Variants in NAALADL2 observed in about 807,000 individuals in gnomAD.
NAALADL2 encodes the protein inactive N-acetylated-alpha-linked acidic dipeptidase-like protein 2.
NAALADL2 carries 76 observed loss-of-function variants against 87.2 expected under a neutral mutation model. The ratio of observed to expected loss-of-function variants is 0.87; its 90% CI spans 0.72 to 1.05. NAALADL2 has a LOEUF of 1.05. Among genes scored for constraint, NAALADL2 ranks in the 50% least tolerant of loss-of-function variants. The pLI is 0.00. For synonymous variants in NAALADL2, 354 were observed against 331.0 expected (o/e 1.07, Z -0.75); for missense variants, 1,089 against 945.8 (o/e 1.15, Z -1.99).
At chr3:174,642,988 C>A (rs942482726) in intron 2 of NAALADL2, among the ~76,000 whole-genome samples, 1 of 151,906 alleles carries the variant, frequency 6.6e-6, no homozygotes, top group Non-Finnish European at 1.5e-5. Context: ...CACTATGTTA[C>A]CCAGCCTGGT....
rs917214600 is a variant in NAALADL2, at chr3:175,368,503, A to G, written c.1090+44178A>G. Among the ~76,000 whole-genome samples, 12 of 152,222 alleles carry G rather than the reference A, an allele frequency of 7.9e-5. 1 individual carries two copies. The highest frequency in any genetic ancestry group is 2.6e-4 in the Admixed American group (4 of 15,268). ...TCTGGTCCGAAAATAGTTACATTTT[A>G]CAAACGAATCTCTAACACATTTTGG... On this transcript the variant is annotated intron_variant, in intron 5 of 13. Transcript: ENST00000454872.
At chr3:174,620,788 A>G (rs1046624174) in intron 2 of NAALADL2, among the ~76,000 whole-genome samples, 2 of 152,068 alleles carry the variant, frequency 1.3e-5, no homozygotes, top group Admixed American at 6.5e-5. Flanking sequence ...ACTCACAAAG[A>G]TATTCAAATA....
At chr3:175,096,493 G>GGT (rs1721172369) in intron 1 of NAALADL2, among the ~76,000 whole-genome samples, 1 of 117,844 alleles carries the variant, frequency 8.5e-6, no homozygotes, top group Non-Finnish European at 1.8e-5. Flanking sequence ...AGATTAATGG[G>GGT]GCGTGTGTGT....
At chr3:175,626,955 G>A (rs142714412) in intron 10 of NAALADL2, among the ~76,000 whole-genome samples, 1 of 151,924 alleles carries the variant, frequency 6.6e-6, no homozygotes, top group Non-Finnish European at 1.5e-5. Flanking sequence ...CCATCTAGAT[G>A]ATTAGATGAT....
At chr3:174,720,195 T>G (rs1731576493) in intron 2 of NAALADL2, among the ~76,000 whole-genome samples, 1 of 152,322 alleles carries the variant, frequency 6.6e-6, no homozygotes, top group South Asian at 2.1e-4. Context: ...TATTTACACT[T>G]TAATAAAAGT....
chr3:175,444,760 A>G (rs945801338), intron 5 of NAALADL2, among the ~76,000 whole-genome samples: 9 of 152,192 alleles, frequency 5.9e-5, no homozygotes, highest in Non-Finnish European at 2.9e-5. Flanking sequence ...GTCCGAATGC[A>G]CTGTTATCTA....
intron 10 of NAALADL2, among the ~76,000 whole-genome samples, chr3:175,605,645 T>TTGTTTTTTG (rs1723614543): frequency 3.0e-5 from 1 of 33,100 alleles, no homozygotes; most frequent in African/African-American, 5.2e-5. Flanking sequence ...TGCTTGTTTT[T>TTGTTTTTTG]TTTTTTTTTT....
Position 175,614,001 on chromosome 3 carries a change from T to G in NAALADL2, c.1801-13290T>G, listed in dbSNP as rs114937861. 6.0e-3 allele frequency among the ~76,000 whole-genome samples: 911 copies of G among 152,278 alleles called. 4 individuals are homozygous for G. The highest frequency in any genetic ancestry group is 0.021 in the African/African-American group (854 of 41,558). ...TTACACATCAGTGATTCTCAAGAGA[T>G]ATACAATATCCCACAATATACTGCT... is the stretch of plus-strand genomic sequence containing the variant. On this transcript the variant is annotated intron_variant, in intron 10 of 13. Coordinates refer to ENST00000454872, the MANE Select transcript of NAALADL2 (RefSeq NM_207015.3).
intron 10 of NAALADL2, among the ~76,000 whole-genome samples, chr3:175,588,976 G>A (rs966898690): frequency 1.3e-5 from 2 of 152,174 alleles, no homozygotes; most frequent in African/African-American, 4.8e-5. Context: ...AGAATGGTGT[G>A]TTTTATAACC....
intron 1 of NAALADL2, among the ~76,000 whole-genome samples, chr3:174,871,229 TAACAA>T (rs573702962): frequency 1.1e-3 from 171 of 152,318 alleles, no homozygotes; most frequent in African/African-American, 4.0e-3. Flanking sequence ...GTTTCTAACT[TAACAA>T]ATTACATGTA....
chr3:174,881,254 G>A (rs1454515334), intron 1 of NAALADL2, among the ~76,000 whole-genome samples: 2 of 151,986 alleles, frequency 1.3e-5, no homozygotes, highest in African/African-American at 4.8e-5. Flanking sequence ...TGTCTGTTTA[G>A]GATTGCAATC....
intron 1 of NAALADL2, among the ~76,000 whole-genome samples, chr3:174,955,931 C>G (rs1741084669): frequency 6.6e-6 from 1 of 152,024 alleles, no homozygotes; most frequent in Admixed American, 6.6e-5. Context: ...GTGATTTGTT[C>G]CAGTTATTCC....
At chr3:174,747,496 C>G (rs1405237237) in intron 3 of NAALADL2, among the ~76,000 whole-genome samples, 1 of 151,770 alleles carries the variant, frequency 6.6e-6, no homozygotes, top group East Asian at 1.9e-4. Context: ...GTGGTGTGCA[C>G]CTGTAATCCC....
At chr3:175,283,850 A>T (rs1754637598) in intron 4 of NAALADL2, among the ~76,000 whole-genome samples, 1 of 152,094 alleles carries the variant, frequency 6.6e-6, no homozygotes, top group African/African-American at 2.4e-5. Context: ...ATCACTAGAG[A>T]GATTTATCTC....
At chr3:175,586,598 A>G (rs1720572590) in intron 10 of NAALADL2, among the ~76,000 whole-genome samples, 1 of 152,228 alleles carries the variant, frequency 6.6e-6, no homozygotes, top group Non-Finnish European at 1.5e-5. Context: ...TAAATAGTGC[A>G]ATGTTTATGT....
chr3:175,597,279 C>T (rs531509708), intron 10 of NAALADL2, among the ~76,000 whole-genome samples: 8 of 151,820 alleles, frequency 5.3e-5, no homozygotes, highest in South Asian at 4.2e-4. Context: ...AGGGAAAACC[C>T]GAATATGGAT....
intron 2 of NAALADL2, among the ~76,000 whole-genome samples, chr3:174,640,014 A>G (rs929249460): frequency 1.3e-5 from 2 of 152,110 alleles, no homozygotes; most frequent in African/African-American, 4.8e-5. Context: ...ATTACCTCTC[A>G]GGCTGTGTTT....
chr3:175,181,184 C>T (rs1416113816), intron 2 of NAALADL2, among the ~76,000 whole-genome samples: 1 of 152,042 alleles, frequency 6.6e-6, no homozygotes, highest in Non-Finnish European at 1.5e-5. Flanking sequence ...ATCTATTTAT[C>T]CTAGTTTTCC....
chr3:174,448,006 G>A (rs975972577), intron 1 of NAALADL2, among the ~76,000 whole-genome samples: 1 of 152,052 alleles, frequency 6.6e-6, no homozygotes, highest in African/African-American at 2.4e-5. Context: ...GGTTTGATTT[G>A]CTTTCCTGGT....
Sources: gnomAD v4.1 joint callset for allele counts (sites outside exome capture counted in the v4.1 genomes callset) on GRCh38, gnomAD v4.1.1 for gene constraint, MANE v1.5 for transcripts, NCBI Gene and HGNC (gene_info 2026-07-23, HGNC 2026-07-21) for gene names.